CARD9: variants seen among roughly 807,000 people sequenced by gnomAD.
The protein encoded by CARD9 is caspase recruitment domain-containing protein 9.
In CARD9, 53 loss-of-function variants were observed where a neutral mutation model predicts 66.0. The observed-to-expected ratio is 0.80, with a 90% confidence interval of 0.64 to 1.01. The LOEUF (loss-of-function observed/expected upper bound fraction) is 1.01, where lower values mean the gene tolerates loss of function less well. Among genes scored for constraint, CARD9 ranks in the 50% least tolerant of loss-of-function variants. The probability of loss-of-function intolerance (pLI) is 0.00; values close to 1 mark genes in which losing one functional copy is unlikely to be tolerated. For missense variants in CARD9, 769 were observed against 743.2 expected (o/e 1.03, Z -0.40); for synonymous variants, 387 against 313.8 (o/e 1.23, Z -2.47).
In CARD9 at chr9:136,366,561, T is replaced by A; in HGVS notation, c.1357+239A>T. On this transcript the variant is annotated intron_variant, in intron 10 of 12. Transcript: ENST00000371732. ...ATGGGGGCTGCCCAGACCCCCACACTCTCCACCCCAGGGGACACTTGTCCC... is the reference window on the plus strand; with the variant it reads ...ATGGGGGCTGCCCAGACCCCCACACACTCCACCCCAGGGGACACTTGTCCC... 6 of 582,866 alleles carry A rather than the reference T, an allele frequency of 1.0e-5. No homozygotes were observed. In the Middle Eastern group the frequency reaches 2.3e-3, roughly 226 times the overall value. 36.1% of individuals were successfully genotyped at this position (582,866 alleles called of 1,614,324 possible).
intron 6 of CARD9, 113 bp downstream of exon 6, chr9:136,370,181 G>C: frequency 1.3e-6 from 2 of 1,499,576 alleles, no homozygotes; most frequent in Non-Finnish European, 1.8e-6. Flanking sequence ...GGTGAGTGGA[G>C]GCGCTGCACT....
Position 136,367,943 on chromosome 9 carries a change from C to T in CARD9, c.1078-115G>A, listed in dbSNP as rs377618893. 247 of 1,449,506 alleles carry T rather than the reference C, an allele frequency of 1.7e-4. 4 individuals are homozygous for T. In the East Asian group the frequency reaches 3.8e-3, roughly 22 times the overall value. The allele number at this position is 1,449,506 out of a possible 1,614,324, so 89.8% of individuals were successfully genotyped here. A position where few individuals can be genotyped will look rare whatever the true frequency, so the allele number is the denominator to read the frequency against. ...CCGGAGGACGTCAAGCCGCTGGGCGCGGAGGCTGGTCACAGCCCCTCCATT... is the reference window on the plus strand; with the variant it reads ...CCGGAGGACGTCAAGCCGCTGGGCGTGGAGGCTGGTCACAGCCCCTCCATT... On this transcript the variant is annotated intron_variant, in intron 7 of 12. Coordinates refer to ENST00000371732, the MANE Select transcript of CARD9 (RefSeq NM_052813.5).
chr9:136,367,216 C>T lies in CARD9; in HGVS notation c.1311G>A (p.Glu437=). The T allele has an allele frequency of 6.2e-7, 1 of 1,612,446 alleles. No homozygotes were observed. Residue 437 remains glutamate (E), a splice_region_variant and synonymous_variant, in exon 9 of 13, where the codon GAG becomes GAA. Coordinates refer to ENST00000371732, the MANE Select transcript of CARD9 (RefSeq NM_052813.5). ...LEDGSPRRSQ[E]LSLPQDLEDT... The stretch of plus-strand genomic sequence containing the variant: ...TCGTGCTGGCTGGGGTCTCACTCAC[C>T]TCCTGGGACCTCCTGGGTGAGCCAT...
chr9:136,372,126 G>A (rs745852575), intron 1 of CARD9, 32 bp from the exon 2 acceptor site: 20 of 1,607,064 alleles, frequency 1.2e-5, no homozygotes, highest in South Asian at 2.2e-5. Context: ...TGAGAGCGAT[G>A]CCGGCTCCTG....
rs114929636 is a variant in CARD9, at chr9:136,364,581, G to C, written c.1435-22C>G. 3.0e-3 allele frequency: 4,586 copies of C among 1,532,984 alleles called. 116 individuals are homozygous for C. The African/African-American group carries it at 0.056, about 19-fold the overall frequency. 95.0% of individuals were successfully genotyped at this position (1,532,984 alleles called of 1,614,324 possible). A position where few individuals can be genotyped will look rare whatever the true frequency, so the allele number is the denominator to read the frequency against. ...CGTCCTGGAGAAGGGGGAAGGCTCG[G>C]GCTCCGGCCGGCTCCCCTGAGGGAA... On this transcript the variant is annotated intron_variant, in intron 11 of 12. Coordinates refer to ENST00000371732, the MANE Select transcript of CARD9 (RefSeq NM_052813.5).
chr9:136,366,387 A>C, intron 10 of CARD9: 1 of 226,708 alleles, frequency 4.4e-6, no homozygotes, highest in East Asian at 1.1e-4. Flanking sequence ...AGCTTCATGC[A>C]CCTGGTCGTT....
intron 9 of CARD9, among the ~76,000 whole-genome samples, 167 bp from the exon 10 acceptor site, chr9:136,367,012 C>T (rs1481626298): frequency 6.6e-6 from 1 of 152,214 alleles, no homozygotes; most frequent in Non-Finnish European, 1.5e-5. Flanking sequence ...CATTGGGCGG[C>T]CAGGAGGTGG....
rs940518611 is a variant in CARD9, at chr9:136,367,765, G to A, written c.1141C>T (p.Leu381=). Residue 381 remains leucine (L), a synonymous_variant, in exon 8 of 13, where the codon CTG becomes TTG. Coordinates refer to ENST00000371732, the MANE Select transcript of CARD9 (RefSeq NM_052813.5). ...CCCAGCTCCCGCACCTGCTTGCGCA[G>A]CGCGTCCTTCTCCTGCAGGCCCCGG... ...HARGLQEKDA[L]RKQVRELGEK... The A allele has an allele frequency of 3.1e-6, 5 of 1,604,820 alleles. No individual in the cohort carries two copies. Among genetic ancestry groups the A allele is most frequent in the East Asian group, 2.2e-5 (1 of 44,852 alleles).
Position 136,364,481 on chromosome 9 carries a change from A to T in CARD9, c.1511+2T>A. On this transcript the variant is annotated splice_donor_variant, in intron 12 of 12. Coordinates refer to ENST00000371732, the MANE Select transcript of CARD9 (RefSeq NM_052813.5). LOFTEE classifies it high-confidence loss of function. ...GGAGAAGCCTGGGGGCCGCCCGCCT[A>T]CCTGCGGTAGTTCTCAAAACTCTCT... 3 of 1,540,044 alleles carry T rather than the reference A, an allele frequency of 1.9e-6. No homozygotes were observed. Among genetic ancestry groups the T allele is most frequent in the Non-Finnish European group, 2.6e-6 (3 of 1,146,820 alleles).
intron 7 of CARD9, among the ~76,000 whole-genome samples, chr9:136,368,389 AC>A (rs1833178022): frequency 6.6e-6 from 1 of 151,930 alleles, no homozygotes; most frequent in African/African-American, 2.4e-5. Context: ...AGCCACACCA[AC>A]CCCCATGGGG....
chr9:136,368,362 G>T (rs1035548453), intron 7 of CARD9, among the ~76,000 whole-genome samples: 3 of 152,244 alleles, frequency 2.0e-5, no homozygotes, highest in African/African-American at 7.2e-5. Context: ...AAGTCCCGTG[G>T]GAGCCCCCGC....
At chr9:136,367,608 C>T (rs1833154066) in intron 8 of CARD9, 29 bp downstream of exon 8, 17 of 1,549,552 alleles carry the variant, frequency 1.1e-5, no homozygotes, top group Non-Finnish European at 1.5e-5. Flanking sequence ...CGCGCCGGCT[C>T]CCCTCCCTGC....
intron 1 of CARD9, among the ~76,000 whole-genome samples, chr9:136,372,724 C>A (rs888974618): frequency 6.6e-6 from 1 of 152,248 alleles, no homozygotes; most frequent in African/African-American, 2.4e-5. Context: ...AGAGTGGCCA[C>A]CCAGCCCTGC....
chr9:136,371,058 AGCAGCGCGGTCAGGTCCT>A lies in CARD9; in HGVS notation c.392_409del (p.Gln131_Leu136del). On this transcript the variant is annotated inframe_deletion, in exon 4 of 13. Transcript: ENST00000371732. ...CTTGATGAAGTCATCTTTGGAGCTC[AGCAGCGCGGTCAGGTCCT>A]GCACCTTCTTCTGCAGCTTCATGAC... The A allele has an allele frequency of 6.2e-7, 1 of 1,612,660 alleles. No homozygotes were observed. The highest frequency in any genetic ancestry group is 1.1e-5 in the South Asian group (1 of 90,982).
At chr9:136,364,424 C>G in intron 12 of CARD9, 23 bp from the exon 13 acceptor site, 1 of 1,542,734 alleles carries the variant, frequency 6.5e-7, no homozygotes, top group Middle Eastern at 1.7e-4. Context: ...GTGTCTCAGG[C>G]GCGACCCGGC....
At chr9:136,368,358 C>T (rs970030607) in intron 7 of CARD9, among the ~76,000 whole-genome samples, 5 of 152,242 alleles carry the variant, frequency 3.3e-5, no homozygotes, top group African/African-American at 7.2e-5. Flanking sequence ...CGGGAAGTCC[C>T]GTGGGAGCCC....
intron 1 of CARD9, 111 bp downstream of exon 1, chr9:136,373,413 AGGCTGCCT>A: frequency 1.3e-6 from 1 of 793,286 alleles, no homozygotes. Context: ...CGCATGGCGG[AGGCTGCCT>A]GGCTGCCTGT....
rs139395199 is a variant in CARD9 at position 136,371,141 on chromosome 9, C to A, written c.327G>T (p.Ala109=). The part of the protein sequence containing the change: ...PARVFSMIID[A]SGESGLTQLL... ...GCTGAGTCAGGCCTGACTCCCCGGA[C>A]GCGTCTGTGGGCCAGGCCAGTGTCA... The change falls in exon 4 of 13, where the codon GCG becomes GCT. Residue 109 remains alanine, a synonymous_variant. Coordinates refer to ENST00000371732, the MANE Select transcript of CARD9 (RefSeq NM_052813.5). 128 of 1,612,280 alleles carry A rather than the reference C, an allele frequency of 7.9e-5. No individual in the cohort carries two copies. The African/African-American group carries it at 1.5e-3, about 19-fold the overall frequency.
chr9:136,367,109 C>T, intron 9 of CARD9, 107 bp downstream of exon 9: 1 of 1,328,204 alleles, frequency 7.5e-7, no homozygotes, highest in Non-Finnish European at 1.1e-6. Context: ...GCCCAGCCCA[C>T]CGAGCAGGGC....
Sources: allele counts gnomAD v4.1 joint callset (sites outside exome capture counted in the v4.1 genomes callset), GRCh38; gene constraint gnomAD v4.1.1; transcripts MANE v1.5; gene names NCBI Gene and HGNC (gene_info 2026-07-23, HGNC 2026-07-21).